Variants in RNF152 observed in about 807,000 individuals in gnomAD.
The protein encoded by RNF152 is ring finger protein 152.
RNF152 carries 11 observed loss-of-function variants against 12.7 expected under a neutral mutation model. The ratio of observed to expected loss-of-function variants is 0.86; its 90% CI spans 0.54 to 1.43. RNF152 has a LOEUF of 1.43. Among genes scored for constraint, RNF152 ranks in the 40% most tolerant of loss-of-function variants. The probability of loss-of-function intolerance (pLI) is 0.00; values close to 1 mark genes in which losing one functional copy is unlikely to be tolerated. For synonymous variants in RNF152, 113 were observed against 120.3 expected, an observed-to-expected ratio of 0.94 and a Z score of 0.40; for missense variants, 255 against 274.8, an observed-to-expected ratio of 0.93 and a Z score of 0.51.
At position 61,818,259 on chromosome 18, in the gene RNF152, C is replaced by T. The variant is rs145711596; in HGVS notation, c.-135-1661G>A. Among the ~76,000 whole-genome samples the T allele has an allele frequency of 9.4e-3, 1,429 of 152,034 alleles. 15 individuals are homozygous for T. The highest frequency in any genetic ancestry group is 0.033 in the African/African-American group (1,373 of 41,470). ...GCAACATGGTGAAACCCTATCTCTA[C>T]AAAAAATACAAAAACTAGCCAGGCA... On this transcript the variant is annotated intron_variant, in intron 1 of 1. Coordinates refer to ENST00000312828, the MANE Select transcript of RNF152 (RefSeq NM_173557.3).
intron 1 of RNF152, among the ~76,000 whole-genome samples, chr18:61,817,913 C>G (rs1048518681): frequency 6.6e-6 from 1 of 152,040 alleles, no homozygotes; most frequent in African/African-American, 2.4e-5. Context: ...CTGGATGGAG[C>G]CATGATGACT....
chr18:61,817,561 A>T (rs1020122495), intron 1 of RNF152, among the ~76,000 whole-genome samples: 5 of 152,148 alleles, frequency 3.3e-5, no homozygotes, highest in Non-Finnish European at 7.4e-5. Context: ...CCATCTTTTC[A>T]TATTCTTGGG....
At chr18:61,861,764 G>A (rs1911496208) in intron 1 of RNF152, among the ~76,000 whole-genome samples, 1 of 152,168 alleles carries the variant, frequency 6.6e-6, no homozygotes, top group African/African-American at 2.4e-5. Flanking sequence ...GAGATCACAT[G>A]GTGAGAGAGG....
intron 1 of RNF152, among the ~76,000 whole-genome samples, chr18:61,881,203 C>T (rs1486430285): frequency 6.6e-6 from 1 of 152,190 alleles, no homozygotes; most frequent in East Asian, 1.9e-4. Context: ...TGATCCACCG[C>T]ACCCGGCCTT....
chr18:61,827,453 C>A (rs1909720627), intron 1 of RNF152, among the ~76,000 whole-genome samples: 1 of 152,126 alleles, frequency 6.6e-6, no homozygotes, highest in Non-Finnish European at 1.5e-5. Context: ...ACAACAACAA[C>A]AAAAACCTAC....
chr18:61,848,982 C>T (rs1233021243), intron 1 of RNF152, among the ~76,000 whole-genome samples: 1 of 152,308 alleles, frequency 6.6e-6, no homozygotes, highest in Admixed American at 6.5e-5. Context: ...CTGGACTCTG[C>T]ACCAGCCCAG....
At chr18:61,873,636 A>C (rs1404734386) in intron 1 of RNF152, among the ~76,000 whole-genome samples, 2 of 152,222 alleles carry the variant, frequency 1.3e-5, no homozygotes, top group Non-Finnish European at 2.9e-5. Flanking sequence ...GCCCAGCCTC[A>C]GTCTCCATTC....
intron 1 of RNF152, among the ~76,000 whole-genome samples, chr18:61,821,991 T>G (rs967967995): frequency 2.0e-5 from 3 of 152,200 alleles, no homozygotes; most frequent in Non-Finnish European, 2.9e-5. Context: ...TTCAGAGACC[T>G]GTTTGGCCTT....
At chr18:61,844,797 G>A (rs1910674147) in intron 1 of RNF152, among the ~76,000 whole-genome samples, 1 of 151,940 alleles carries the variant, frequency 6.6e-6, no homozygotes, top group Admixed American at 6.6e-5. Flanking sequence ...ATCAAGGGAA[G>A]GTGCAAAATG....
intron 1 of RNF152, among the ~76,000 whole-genome samples, chr18:61,846,006 G>A (rs911374787): frequency 3.9e-5 from 6 of 152,176 alleles, no homozygotes; most frequent in South Asian, 4.2e-4. Flanking sequence ...CACTTATCTC[G>A]TTCCACCATG....
intron 1 of RNF152, among the ~76,000 whole-genome samples, chr18:61,882,862 C>G (rs1912522851): frequency 1.3e-5 from 2 of 152,104 alleles, no homozygotes; most frequent in Admixed American, 1.3e-4. Flanking sequence ...ACACAATGCC[C>G]CCCTCCACCC....
At chr18:61,884,114 C>A (rs773855968) in intron 1 of RNF152, among the ~76,000 whole-genome samples, 9 of 152,164 alleles carry the variant, frequency 5.9e-5, no homozygotes, top group Non-Finnish European at 1.2e-4. Flanking sequence ...AGGACGTTAG[C>A]AACAGCTGCC....
At chr18:61,818,631 A>G (rs539529569) in intron 1 of RNF152, among the ~76,000 whole-genome samples, 3 of 152,246 alleles carry the variant, frequency 2.0e-5, no homozygotes, top group Non-Finnish European at 4.4e-5. Flanking sequence ...ATAGCTATCC[A>G]CTAATTCAAA....
intron 1 of RNF152, among the ~76,000 whole-genome samples, chr18:61,835,642 A>G (rs577047987): frequency 6.6e-6 from 1 of 152,348 alleles, no homozygotes; most frequent in East Asian, 1.9e-4. Context: ...AAACCCTAAA[A>G]TTAAATACAA....
At chr18:61,837,174 A>G (rs1910226752) in intron 1 of RNF152, among the ~76,000 whole-genome samples, 1 of 152,198 alleles carries the variant, frequency 6.6e-6, no homozygotes. Flanking sequence ...GACATGTAGG[A>G]CTAGTACTGG....
intron 1 of RNF152, among the ~76,000 whole-genome samples, chr18:61,860,779 T>C (rs1911440879): frequency 6.6e-6 from 1 of 152,198 alleles, no homozygotes; most frequent in Non-Finnish European, 1.5e-5. Flanking sequence ...GCTCCATGCG[T>C]GTATTACCCT....
chr18:61,816,167 G>A lies in RNF152; in HGVS notation c.297C>T (p.Cys99=). The change falls in exon 2 of 2, where the codon TGC becomes TGT. Residue 99 remains cysteine (C), a synonymous_variant. Transcript: ENST00000312828. The part of the protein sequence containing the change: ...PVFIKLPSNG[C]YMLPLPISKE... ...TGGAGATGGGCAGGGGCAGCATGTA[G>A]CACCCATTGCTGGGAAGTTTGATGA... 1.2e-6 allele frequency: 2 copies of A among 1,614,240 alleles called. No homozygotes were observed. The highest frequency in any genetic ancestry group is 1.7e-6 in the Non-Finnish European group (2 of 1,180,040).
At chr18:61,827,794 A>G (rs1446910317) in intron 1 of RNF152, among the ~76,000 whole-genome samples, 1 of 152,192 alleles carries the variant, frequency 6.6e-6, no homozygotes, top group Non-Finnish European at 1.5e-5. Context: ...GTCAGCTGTC[A>G]GTCTGCTCAT....
intron 1 of RNF152, among the ~76,000 whole-genome samples, chr18:61,860,780 G>A (rs1911441013): frequency 6.6e-6 from 1 of 152,206 alleles, no homozygotes; most frequent in Non-Finnish European, 1.5e-5. Context: ...CTCCATGCGT[G>A]TATTACCCTG....
Sources: gnomAD v4.1 joint callset for allele counts (sites outside exome capture counted in the v4.1 genomes callset) on GRCh38, gnomAD v4.1.1 for gene constraint, MANE v1.5 for transcripts, NCBI Gene and HGNC (gene_info 2026-07-23, HGNC 2026-07-21) for gene names.